FYB2: variants seen among roughly 807,000 people sequenced by gnomAD.
FYB2 encodes FYN-binding protein 2.
FYB2 carries 103 observed loss-of-function variants against 94.1 expected under a neutral mutation model. The ratio of observed to expected loss-of-function variants is 1.09; its 90% CI spans 0.93 to 1.29. The LOEUF is 1.29. FYB2 is among the 50% of genes most tolerant of loss of function. The pLI is 0.00. For missense variants in FYB2, 896 were observed against 841.5 expected (o/e 1.06, Z -0.80); for synonymous variants, 293 against 287.9 (o/e 1.02, Z -0.18).
intron 9 of FYB2, among the ~76,000 whole-genome samples, chr1:56,750,460 C>A (rs1472662334): frequency 6.6e-6 from 1 of 151,814 alleles, no homozygotes; most frequent in Non-Finnish European, 1.5e-5. Context: ...TGTTTGTGTC[C>A]CTGGATCCAA....
At chr1:56,760,615 T>C (rs1311640274) in intron 5 of FYB2, among the ~76,000 whole-genome samples, 1 of 152,176 alleles carries the variant, frequency 6.6e-6, no homozygotes, top group Non-Finnish European at 1.5e-5. Flanking sequence ...TCTACTCCAA[T>C]TTATTTACTT....
At chr1:56,814,464 C>T (rs1646836695) in intron 1 of FYB2, among the ~76,000 whole-genome samples, 1 of 152,144 alleles carries the variant, frequency 6.6e-6, no homozygotes, top group South Asian at 2.1e-4. Flanking sequence ...AGCATTGCTG[C>T]ATAAGGCTGG....
chr1:56,808,943 T>C (rs553442915), intron 1 of FYB2, among the ~76,000 whole-genome samples: 42 of 152,338 alleles, frequency 2.8e-4, no homozygotes, highest in Admixed American at 1.6e-3. Flanking sequence ...TAATCCTCTA[T>C]ATTAGATGTG....
At chr1:56,804,116 C>T (rs1039139438) in intron 1 of FYB2, among the ~76,000 whole-genome samples, 2 of 152,222 alleles carry the variant, frequency 1.3e-5, no homozygotes, top group African/African-American at 4.8e-5. Flanking sequence ...TACAGCACTT[C>T]ATCTGCAAAT....
intron 17 of FYB2, among the ~76,000 whole-genome samples, chr1:56,722,606 C>G (rs140227353): frequency 6.6e-6 from 1 of 151,942 alleles, no homozygotes; most frequent in East Asian, 1.9e-4. Flanking sequence ...TGGAATAGAC[C>G]AAGGAAGCAC....
At chr1:56,772,210 G>A (rs1480789102) in intron 4 of FYB2, among the ~76,000 whole-genome samples, 1 of 151,900 alleles carries the variant, frequency 6.6e-6, no homozygotes, top group Non-Finnish European at 1.5e-5. Context: ...GAAACAATTT[G>A]GGGAAAAATT....
chr1:56,752,486 G>A (rs7555378), intron 8 of FYB2, among the ~76,000 whole-genome samples: 30,403 of 151,932 alleles, frequency 0.2, 3,406 homozygotes, highest in African/African-American at 0.3. Flanking sequence ...GACATAAGGA[G>A]TGGATTATCC....
At position 56,744,143 on chromosome 1, in the gene FYB2, G is replaced by T. The variant is rs1488080863; in HGVS notation, c.1502+9C>A. The T allele has an allele frequency of 5.0e-6, 8 of 1,611,792 alleles. No individual in the cohort carries two copies. Among genetic ancestry groups the T allele is most frequent in the Non-Finnish European group, 6.8e-6 (8 of 1,178,552 alleles). ...ATTCATCTTGCTGAAAGACTGGAAT[G>T]TTACTTACACCTCTTTCCTGGAGTA... On this transcript the variant is annotated intron_variant, in intron 10 of 19. Transcript: ENST00000343433.
chr1:56,755,825 A>G, intron 7 of FYB2, 71 bp downstream of exon 7: 1 of 1,449,178 alleles, frequency 6.9e-7, no homozygotes, highest in South Asian at 1.2e-5. Context: ...TGGCCCATAG[A>G]GGAAAACTAG....
At chr1:56,752,009 A>T (rs1029443497) in intron 8 of FYB2, among the ~76,000 whole-genome samples, 2 of 151,982 alleles carry the variant, frequency 1.3e-5, no homozygotes. Context: ...GACAGAGTGG[A>T]TAAAGGAGTA....
intron 9 of FYB2, among the ~76,000 whole-genome samples, chr1:56,747,372 GCACT>G (rs1001989454): frequency 6.6e-6 from 1 of 151,676 alleles, no homozygotes; most frequent in African/African-American, 2.4e-5. Flanking sequence ...AGCCCCGCAT[GCACT>G]AAGTATTTGT....
At position 56,720,170 on chromosome 1, in the gene FYB2, TA is replaced by T; in HGVS notation, c.2131+2del. The T allele has an allele frequency of 6.2e-7, 1 of 1,602,946 alleles. No individual in the cohort carries two copies. Among genetic ancestry groups the T allele is most frequent in the Middle Eastern group, 1.7e-4 (1 of 5,972 alleles). On this transcript the variant is annotated splice_donor_variant, in intron 18 of 19. Coordinates refer to ENST00000343433, the MANE Select transcript of FYB2 (RefSeq NM_001004303.5). LOFTEE classifies it high-confidence loss of function. ...ATTATGAAAGATAAGCAAATAAACT[TA>T]CATTTGCCTTTAGAATTACGACATA...
intron 5 of FYB2, among the ~76,000 whole-genome samples, chr1:56,762,529 C>A (rs1418279174): frequency 6.6e-6 from 1 of 152,048 alleles, no homozygotes; most frequent in African/African-American, 2.4e-5. Flanking sequence ...TTTGTATGTT[C>A]ATTCCTGATA....
Position 56,719,687 on chromosome 1 carries a change from T to C in FYB2, c.2171A>G (p.Gln724Arg). The change falls in exon 20 of 20, where the codon CAA (glutamine) becomes CGA (arginine). Residue 724 changes from glutamine (Q) to arginine (R), a missense_variant. Gln to Arg is a conservative substitution (Grantham distance 43). Transcript: ENST00000343433. ...VLIEHLDFKH[Q>R]SWSP ...TTGATTTTTCTAAGGTGACCAACTT[T>C]GATGCCTGTGAAAAAATAAAAATAT... 6.3e-7 allele frequency: 1 copy of C among 1,593,116 alleles called. No individual in the cohort carries two copies. Among genetic ancestry groups the C allele is most frequent in the South Asian group, 1.1e-5 (1 of 89,478 alleles).
chr1:56,730,366 G>A (rs1360594104), intron 15 of FYB2, among the ~76,000 whole-genome samples: 1 of 111,256 alleles, frequency 9.0e-6, no homozygotes, highest in Non-Finnish European at 1.8e-5. Flanking sequence ...AAGGTAAACG[G>A]GAGGAGAGGG....
upstream of FYB2, chr1:56,824,402 T>A (rs1007778469): frequency 6.6e-6 from 1 of 152,212 alleles, no homozygotes; most frequent in African/African-American, 2.4e-5. Flanking sequence ...TATAAATCTC[T>A]TAAGGTTCAA....
At chr1:56,768,399 G>C (rs1464294228) in intron 4 of FYB2, among the ~76,000 whole-genome samples, 2 of 152,200 alleles carry the variant, frequency 1.3e-5, no homozygotes, top group African/African-American at 4.8e-5. Flanking sequence ...ACAATATGCT[G>C]TTCCATCTGT....
chr1:56,753,773 A>T, intron 8 of FYB2, 66 bp downstream of exon 8: 1 of 1,133,266 alleles, frequency 8.8e-7, no homozygotes, highest in Non-Finnish European at 1.3e-6. Flanking sequence ...CTCAGGCCAT[A>T]TAAAGTCACC....
At chr1:56,807,375 A>G (rs905675452) in intron 1 of FYB2, among the ~76,000 whole-genome samples, 2 of 152,148 alleles carry the variant, frequency 1.3e-5, no homozygotes, top group Admixed American at 6.5e-5. Flanking sequence ...AGAAACAGTA[A>G]AAGAAATCAG....
Sources: allele counts gnomAD v4.1 joint callset (sites outside exome capture counted in the v4.1 genomes callset), GRCh38; gene constraint gnomAD v4.1.1; transcripts MANE v1.5; gene names NCBI Gene and HGNC (gene_info 2026-07-23, HGNC 2026-07-21).